USP32: variants seen among roughly 807,000 people sequenced by gnomAD.
The protein encoded by USP32 is ubiquitin specific peptidase 32, also known as ubiquitin carboxyl-terminal hydrolase 32.
Under a neutral mutation model 204.8 loss-of-function variants are expected in USP32, and 59 were observed. That is an observed-to-expected ratio of 0.29 (90% CI 0.23 to 0.36). The LOEUF (loss-of-function observed/expected upper bound fraction) is 0.36. Among genes scored for constraint, USP32 ranks in the 10% least tolerant of loss-of-function variants. USP32 has a pLI of 1.00. For synonymous variants in USP32, 517 were observed against 678.4 expected, an observed-to-expected ratio of 0.76 and a Z score of 3.70; for missense variants, 1,160 against 1,946.4, an observed-to-expected ratio of 0.60 and a Z score of 7.60.
At chr17:60,273,587 G>A (rs558183006) in intron 5 of USP32, among the ~76,000 whole-genome samples, 6 of 152,204 alleles carry the variant, frequency 3.9e-5, no homozygotes, top group Non-Finnish European at 7.4e-5. Flanking sequence ...GCTCAGATAC[G>A]TAACATCCAC....
intron 1 of USP32, among the ~76,000 whole-genome samples, chr17:60,357,555 A>G (rs1407076876): frequency 2.6e-5 from 4 of 152,164 alleles, no homozygotes; most frequent in African/African-American, 4.8e-5. Context: ...ATATGTAGAT[A>G]TATCAGTACA....
At chr17:60,264,857 CAAAAAAAAAAAAAA>C (rs34027846) in intron 9 of USP32, among the ~76,000 whole-genome samples, 1 of 43,518 alleles carries the variant, frequency 2.3e-5, no homozygotes, top group African/African-American at 8.7e-5. Flanking sequence ...AAGACTCTGT[CAAAAAAAAAAAAAA>C]AAAAAAAAAA....
intron 2 of USP32, among the ~76,000 whole-genome samples, chr17:60,304,366 T>A (rs1358200042): frequency 6.6e-6 from 1 of 151,708 alleles, no homozygotes; most frequent in Non-Finnish European, 1.5e-5. Context: ...TTTTTTATTT[T>A]TTTTTTTTAC....
chr17:60,224,344 C>T (rs2145578296), intron 13 of USP32, among the ~76,000 whole-genome samples: 1 of 152,316 alleles, frequency 6.6e-6, no homozygotes, highest in Non-Finnish European at 1.5e-5. Flanking sequence ...AAGCTGATGA[C>T]AGCACTTCTA....
At chr17:60,189,799 C>T (rs867916099) in intron 29 of USP32, among the ~76,000 whole-genome samples, 5 of 152,220 alleles carry the variant, frequency 3.3e-5, no homozygotes, top group Admixed American at 6.5e-5. Context: ...CCCTGGGACA[C>T]ATTTGAACTA....
chr17:60,277,418 T>C (rs2086865346), intron 5 of USP32, among the ~76,000 whole-genome samples: 1 of 152,228 alleles, frequency 6.6e-6, no homozygotes, highest in Non-Finnish European at 1.5e-5. Context: ...TGAGATCTAC[T>C]TAAAATGGCT....
intron 26 of USP32, among the ~76,000 whole-genome samples, 162 bp from the exon 27 acceptor site, chr17:60,198,606 G>C (rs554576994): frequency 1.3e-5 from 2 of 152,302 alleles, no homozygotes; most frequent in East Asian, 3.9e-4. Context: ...TTGACACAAA[G>C]AGAACGGTTA....
At chr17:60,349,771 A>G (rs981197790) in intron 1 of USP32, among the ~76,000 whole-genome samples, 1 of 148,748 alleles carries the variant, frequency 6.7e-6, no homozygotes, top group Non-Finnish European at 1.5e-5. Context: ...TAAAGCATTT[A>G]TAAGAAGCAA....
intron 9 of USP32, chr17:60,256,998 A>C (rs2086325415): frequency 3.8e-6 from 1 of 264,756 alleles, no homozygotes; most frequent in Non-Finnish European, 7.6e-6. Flanking sequence ...GTTACTAATA[A>C]TGAAGAACTA....
At chr17:60,421,236 C>T (rs937997243) in intron 1 of USP32, 9 of 473,228 alleles carry the variant, frequency 1.9e-5, no homozygotes, top group East Asian at 3.1e-4. Context: ...AAGGTTTATT[C>T]CTCCCCTTAC....
At chr17:60,210,188 T>C (rs1272358527) in intron 21 of USP32, among the ~76,000 whole-genome samples, 8 of 152,096 alleles carry the variant, frequency 5.3e-5, no homozygotes, top group South Asian at 4.1e-4. Context: ...TAATTTGTAA[T>C]ATAAAAAGCT....
intron 5 of USP32, among the ~76,000 whole-genome samples, chr17:60,278,121 C>A (rs896132165): frequency 6.6e-6 from 1 of 151,990 alleles, no homozygotes; most frequent in African/African-American, 2.4e-5. Context: ...CCAGGCTGGC[C>A]TTGAACTCCT....
At chr17:60,268,463 C>T (rs1289018099) in intron 7 of USP32, among the ~76,000 whole-genome samples, 1 of 150,402 alleles carries the variant, frequency 6.6e-6, no homozygotes, top group African/African-American at 2.4e-5. Flanking sequence ...GTCCCAGCTA[C>T]CTAGGAGGCT....
chr17:60,245,774 G>C (rs1431531157), intron 11 of USP32: 1 of 151,646 alleles, frequency 6.6e-6, no homozygotes, highest in East Asian at 1.9e-4. Flanking sequence ...ACTTCCTTCA[G>C]TATTTAAAGA....
At chr17:60,301,750 T>G (rs750107140) in intron 2 of USP32, 46 bp from the exon 3 acceptor site, 59 of 1,310,196 alleles carry the variant, frequency 4.5e-5, no homozygotes, top group Non-Finnish European at 5.7e-5. Context: ...TTTCAGTTGT[T>G]GAGGAATCTG....
rs772986860 is a variant in USP32 at position 60,181,727 on chromosome 17, T to C, written c.4145A>G (p.Lys1382Arg). ...GCTGGAGGGACAGCTGGTTCCACTT[T>C]TTCTTGATGAAGAAGGAGAACCTGT... ...SPKGSPSSSRKSGTSCPSSKN... is the reference protein window; with the variant it reads ...SPKGSPSSSRRSGTSCPSSKN... The change falls in exon 32 of 34, where the codon AAA becomes AGA. Residue 1382 changes from lysine to arginine, a missense_variant. By Grantham distance (26) the Lys-to-Arg change is conservative. This residue lies in a region of USP32 where 244 missense variants were observed against 342.3 expected (regional missense o/e 0.71). Coordinates refer to ENST00000300896, the MANE Select transcript of USP32 (RefSeq NM_032582.4). The C allele has an allele frequency of 4.4e-6, 7 of 1,607,816 alleles. No individual in the cohort carries two copies. The Middle Eastern group carries it at 6.7e-4, about 154-fold the overall frequency.
At chr17:60,204,430 A>C (rs2084770069) in intron 26 of USP32, among the ~76,000 whole-genome samples, 1 of 151,832 alleles carries the variant, frequency 6.6e-6, no homozygotes, top group Non-Finnish European at 1.5e-5. Flanking sequence ...TCCTGTCCTA[A>C]AGGGATCCTC....
chr17:60,309,094 A>G (rs2087795486), intron 2 of USP32, among the ~76,000 whole-genome samples: 1 of 152,202 alleles, frequency 6.6e-6, no homozygotes, highest in South Asian at 2.1e-4. Context: ...ATTTTTGTGT[A>G]ATACTTCAAA....
intron 22 of USP32, among the ~76,000 whole-genome samples, 175 bp downstream of exon 22, chr17:60,209,195 T>C (rs1270534184): frequency 1.3e-5 from 2 of 152,226 alleles, no homozygotes; most frequent in East Asian, 3.8e-4. Flanking sequence ...TCATTAAACG[T>C]ATTTTTGTTT....
Sources: allele counts gnomAD v4.1 joint callset (sites outside exome capture counted in the v4.1 genomes callset), GRCh38; gene constraint gnomAD v4.1.1; regional missense constraint gnomAD v4.1.1; transcripts MANE v1.5; gene names NCBI Gene and HGNC (gene_info 2026-07-23, HGNC 2026-07-21).